The following RMND5A variants were observed in gnomAD, a reference collection of about 807,000 sequenced individuals.
RMND5A encodes required for meiotic nuclear division 5 homolog A, also known as E3 ubiquitin-protein transferase RMND5A.
A neutral mutation model predicts 49.7 loss-of-function variants in RMND5A; 17 were observed. The observed-to-expected ratio is 0.34, with a 90% CI of 0.23 to 0.51. RMND5A has a LOEUF of 0.51. RMND5A is among the 20% of genes least tolerant of loss of function. The probability of loss-of-function intolerance (pLI) is 0.96; values close to 1 mark genes in which losing one functional copy is unlikely to be tolerated. For synonymous variants in RMND5A, 156 were observed against 167.7 expected, an observed-to-expected ratio of 0.93 and a Z score of 0.54; for missense variants, 255 against 471.3, an observed-to-expected ratio of 0.54 and a Z score of 4.25.
chr2:86,764,414 C>T (rs1461518655), intron 4 of RMND5A, among the ~76,000 whole-genome samples: 2 of 152,074 alleles, frequency 1.3e-5, no homozygotes, highest in Non-Finnish European at 2.9e-5. Context: ...GCCCGAGGGG[C>T]TGTATTTTGG....
Position 86,777,200 on chromosome 2 carries a change from A to G in RMND5A, c.*3789A>G, listed in dbSNP as rs896944053. 2.4e-4 allele frequency: 37 copies of G among 152,350 alleles called. No individual in the cohort carries two copies. Among genetic ancestry groups the G allele is most frequent in the Admixed American group, 1.8e-3 (27 of 15,298 alleles). 9.4% of individuals were successfully genotyped at this position (152,350 alleles called of 1,614,324 possible). Reference sequence around the variant, plus strand: ...GCATATGCTTCATTTACTTCCAAAGAGGCAAAAGCAGCTGGAATTGGCTTA... The same window carrying G: ...GCATATGCTTCATTTACTTCCAAAGGGGCAAAAGCAGCTGGAATTGGCTTA... On this transcript the variant is annotated 3_prime_UTR_variant, in exon 9 of 9. Coordinates refer to ENST00000283632, the MANE Select transcript of RMND5A (RefSeq NM_022780.4).
chr2:86,760,270 C>T (rs1558724875), intron 4 of RMND5A, among the ~76,000 whole-genome samples: 2 of 152,182 alleles, frequency 1.3e-5, no homozygotes, highest in Non-Finnish European at 2.9e-5. Context: ...CCTCAAACTC[C>T]CAGCATCAGG....
At chr2:86,736,356 G>A (rs1183414275) in intron 1 of RMND5A, among the ~76,000 whole-genome samples, 2 of 116,308 alleles carry the variant, frequency 1.7e-5, no homozygotes, top group African/African-American at 3.0e-5. Context: ...GCTAATTTTT[G>A]TATTCTTTGT....
chr2:86,750,426 T>G (rs993671573), intron 2 of RMND5A, among the ~76,000 whole-genome samples: 3 of 152,236 alleles, frequency 2.0e-5, no homozygotes, highest in African/African-American at 7.2e-5. Context: ...ACAAATGTCA[T>G]GCCACTTCTT....
chr2:86,757,453 G>A (rs1402095721), intron 4 of RMND5A, among the ~76,000 whole-genome samples: 3 of 152,188 alleles, frequency 2.0e-5, no homozygotes, highest in Admixed American at 6.5e-5. Context: ...CTCATAGTAG[G>A]CCCTCAATGA....
At chr2:86,725,284 A>G (rs1704691182) in intron 1 of RMND5A, among the ~76,000 whole-genome samples, 3 of 148,240 alleles carry the variant, frequency 2.0e-5, no homozygotes, top group Admixed American at 2.0e-4. Context: ...AATGGTATAA[A>G]CTCAAATGAT....
intron 4 of RMND5A, among the ~76,000 whole-genome samples, chr2:86,762,297 C>T (rs1183452858): frequency 6.6e-6 from 1 of 152,114 alleles, no homozygotes; most frequent in South Asian, 2.1e-4. Context: ...TGCTTGAAAT[C>T]CCAGAGTCAT....
chr2:86,764,578 T>C (rs1381504332), intron 4 of RMND5A, among the ~76,000 whole-genome samples: 1 of 152,272 alleles, frequency 6.6e-6, no homozygotes. Context: ...ATTTACTGTT[T>C]TTAATCACAA....
chr2:86,755,512 A>C, intron 4 of RMND5A, among the ~76,000 whole-genome samples: 1 of 152,238 alleles, frequency 6.6e-6, no homozygotes. Context: ...TCAAGGTAAT[A>C]TTCACTTATC....
chr2:86,769,867 G>T (rs1051546293), intron 6 of RMND5A, among the ~76,000 whole-genome samples, 156 bp from the exon 7 acceptor site: 1 of 152,160 alleles, frequency 6.6e-6, no homozygotes, highest in African/African-American at 2.4e-5. Context: ...TCTTCTAGTG[G>T]AAATGGCTGG....
At position 86,774,394 on chromosome 2, in the gene RMND5A, G is replaced by C. The variant is rs985156977; in HGVS notation, c.*983G>C. The C allele has an allele frequency of 1.3e-5, 2 of 152,612 alleles. No homozygotes were observed. The highest frequency in any genetic ancestry group is 2.9e-5 in the Non-Finnish European group (2 of 68,030). The allele number at this position is 152,612 out of a possible 1,614,324, so 9.5% of individuals were successfully genotyped here. A position where few individuals can be genotyped will look rare whatever the true frequency, so the allele number is the denominator to read the frequency against. On this transcript the variant is annotated 3_prime_UTR_variant, in exon 9 of 9. Coordinates refer to ENST00000283632, the MANE Select transcript of RMND5A (RefSeq NM_022780.4). ...CCATCACTTTAAATCCTTAAAGTTA[G>C]AAGCTAGCAAATTTTCTGTAGTGCA... is the stretch of plus-strand genomic sequence containing the variant.
At chr2:86,757,269 C>T (rs140673858) in intron 4 of RMND5A, among the ~76,000 whole-genome samples, 1,811 of 150,084 alleles carry the variant, frequency 0.012, 39 homozygotes, top group African/African-American at 0.042. Context: ...AGAGAAGTGG[C>T]AGAACAACAC....
At chr2:86,736,344 C>T (rs1681400744) in intron 1 of RMND5A, among the ~76,000 whole-genome samples, 1 of 117,156 alleles carries the variant, frequency 8.5e-6, no homozygotes, top group Non-Finnish European at 1.9e-5. Context: ...CCACCACCCC[C>T]TGCTAATTTT....
At position 86,751,893 on chromosome 2, in the gene RMND5A, C is replaced by T; in HGVS notation, c.286-3C>T. The T allele has an allele frequency of 3.7e-6, 6 of 1,608,952 alleles. No homozygotes were observed. Among genetic ancestry groups the T allele is most frequent in the Non-Finnish European group, 5.1e-6 (6 of 1,177,134 alleles). On this transcript the variant is annotated splice_region_variant and splice_polypyrimidine_tract_variant and intron_variant, in intron 2 of 8. Coordinates refer to ENST00000283632, the MANE Select transcript of RMND5A (RefSeq NM_022780.4). The stretch of plus-strand genomic sequence containing the variant: ...TGATTCCCTTTCTCTTTCTTTTCCC[C>T]AGAATTTTGATTCTGACATTAGCAG...
In RMND5A at chr2:86,770,013, G is replaced by A; in HGVS notation, c.855-10G>A. 1.2e-6 allele frequency: 2 copies of A among 1,609,822 alleles called. No individual in the cohort carries two copies. Among genetic ancestry groups the A allele is most frequent in the Non-Finnish European group, 1.7e-6 (2 of 1,176,350 alleles). On this transcript the variant is annotated splice_polypyrimidine_tract_variant and intron_variant, in intron 6 of 8. Transcript: ENST00000283632. ...GCCTGGCACTGACGTTTCCTCTTCT[G>A]CTCTCCCAGTTTCTCAGCAGGTTGT...
In RMND5A at chr2:86,773,425, G is replaced by A; in HGVS notation, c.*14G>A. Reference sequence around the variant, plus strand: ...ATATTTTTCTGAAGAGATAACTTTAGTTTGCAATTTGTAAGTGAAACTGAA... The same window carrying A: ...ATATTTTTCTGAAGAGATAACTTTAATTTGCAATTTGTAAGTGAAACTGAA... On this transcript the variant is annotated 3_prime_UTR_variant, in exon 9 of 9. Transcript: ENST00000283632. 1 of 1,568,954 alleles carries A rather than the reference G, an allele frequency of 6.4e-7. No individual in the cohort carries two copies. Among genetic ancestry groups the A allele is most frequent in the Admixed American group, 1.7e-5 (1 of 59,902 alleles).
intron 5 of RMND5A, 67 bp from the exon 6 acceptor site, chr2:86,765,792 G>A: frequency 2.9e-6 from 4 of 1,377,910 alleles, no homozygotes; most frequent in South Asian, 2.6e-5. Context: ...ATGGGTGGGG[G>A]TATTCTTGCT....
intron 3 of RMND5A, 73 bp downstream of exon 3, chr2:86,752,103 G>T (rs572813846): frequency 7.5e-5 from 110 of 1,465,492 alleles, no homozygotes; most frequent in Non-Finnish European, 9.1e-5. Flanking sequence ...TATTTGCAGG[G>T]TGGGGTTTTG....
chr2:86,765,639 A>G (rs919003373), intron 5 of RMND5A: 8 of 503,376 alleles, frequency 1.6e-5, no homozygotes, highest in African/African-American at 1.3e-4. Context: ...AGAAGAATTT[A>G]AATTATAAGT....
Sources: gnomAD v4.1 joint callset for allele counts (sites outside exome capture counted in the v4.1 genomes callset) on GRCh38, gnomAD v4.1.1 for gene constraint, MANE v1.5 for transcripts, NCBI Gene and HGNC (gene_info 2026-07-23, HGNC 2026-07-21) for gene names.